TTPAL: variants seen among roughly 807,000 people sequenced by gnomAD.
TTPAL encodes alpha tocopherol transfer protein like.
In TTPAL, 21 loss-of-function variants were observed where a neutral mutation model predicts 28.7. That is an observed-to-expected ratio of 0.73 (90% CI 0.52 to 1.06). The LOEUF is 1.06. TTPAL is among the 50% of genes least tolerant of loss of function. TTPAL has a pLI of 0.00. For synonymous variants in TTPAL, 169 were observed against 171.9 expected, an observed-to-expected ratio of 0.98 and a Z score of 0.13; for missense variants, 345 against 425.5, an observed-to-expected ratio of 0.81 and a Z score of 1.67.
intron 4 of TTPAL, among the ~76,000 whole-genome samples, 181 bp from the exon 5 acceptor site, chr20:44,489,082 A>G (rs999733067): frequency 1.3e-5 from 2 of 152,188 alleles, no homozygotes; most frequent in Non-Finnish European, 2.9e-5. Context: ...GATGTATGGT[A>G]TAAGGAAAAG....
Position 44,489,336 on chromosome 20 carries a change from G to C in TTPAL, c.824G>C (p.Gly275Ala). The C allele has an allele frequency of 6.2e-7, 1 of 1,614,152 alleles. No homozygotes were observed. The highest frequency in any genetic ancestry group is 8.5e-7 in the Non-Finnish European group (1 of 1,180,028). ...LPRSILPKEY[G>A]GTAGELDTAT... Reference sequence around the variant, plus strand: ...AGAAGCATCCTCCCCAAGGAGTATGGGGGCACGGCTGGGGAGCTGGACACT... The same window carrying C: ...AGAAGCATCCTCCCCAAGGAGTATGCGGGCACGGCTGGGGAGCTGGACACT... The change falls in exon 5 of 5, where the codon GGG (glycine) becomes GCG (alanine). Residue 275 changes from glycine (G) to alanine (A), a missense_variant. Transcript: ENST00000262605.
At chr20:44,482,158 G>A (rs191683990) in intron 2 of TTPAL, among the ~76,000 whole-genome samples, 17 of 152,312 alleles carry the variant, frequency 1.1e-4, no homozygotes, top group African/African-American at 4.1e-4. Flanking sequence ...GTGATTGAAA[G>A]GGATGATATC....
In TTPAL at chr20:44,493,602, T is replaced by G. The variant is rs903275935; in HGVS notation, c.*4061T>G. 2.6e-4 allele frequency: 39 copies of G among 152,398 alleles called. No individual in the cohort carries two copies. Among genetic ancestry groups the G allele is most frequent in the Non-Finnish European group, 1.3e-4 (9 of 68,058 alleles). The allele number at this position is 152,398 out of a possible 1,614,324, so 9.4% of individuals were successfully genotyped here. ...AATGTTAGCTAAACCAATTATATACTATATACTATACACTGTATCTCCTGT... is the reference window on the plus strand; with the variant it reads ...AATGTTAGCTAAACCAATTATATACGATATACTATACACTGTATCTCCTGT... On this transcript the variant is annotated 3_prime_UTR_variant, in exon 5 of 5. Transcript: ENST00000262605.
rs771694647 is a variant in TTPAL at position 44,480,190 on chromosome 20, T to C, written c.191T>C (p.Met64Thr). 3 of 1,614,124 alleles carry C rather than the reference T, an allele frequency of 1.9e-6. No homozygotes were observed. The highest frequency in any genetic ancestry group is 2.2e-5 in the East Asian group (1 of 44,876). ...RLRDVQALRD[M>T]VRKEYPNLST... ...CGAGATGTGCAGGCCCTTCGTGACA[T>C]GGTGCGGAAGGAGTACCCCAACCTG... The change falls in exon 2 of 5, where the codon ATG becomes ACG. Residue 64 changes from methionine (M) to threonine (T), a missense_variant. Transcript: ENST00000262605. The surrounding 1 kb of genome is among the most constrained non-coding windows in gnomAD (Gnocchi z 4.1).
intron 2 of TTPAL, among the ~76,000 whole-genome samples, chr20:44,481,204 CATG>C (rs2064101839): frequency 6.6e-6 from 1 of 152,182 alleles, no homozygotes; most frequent in South Asian, 2.1e-4. Context: ...ATTTCTTTGT[CATG>C]GTGGTTTACG....
chr20:44,484,958 C>T (rs774921136), intron 3 of TTPAL, among the ~76,000 whole-genome samples: 8 of 152,066 alleles, frequency 5.3e-5, no homozygotes, highest in Non-Finnish European at 1.2e-4. Context: ...ACCAAAAATA[C>T]GAAAATTAGC....
intron 4 of TTPAL, among the ~76,000 whole-genome samples, chr20:44,487,158 T>C (rs553487572): frequency 1.3e-5 from 2 of 152,072 alleles, no homozygotes; most frequent in African/African-American, 4.8e-5. Flanking sequence ...GGCACATGCC[T>C]GTAATTGCAG....
Position 44,480,933 on chromosome 20 carries a change from C to G in TTPAL, c.445+489C>G, listed in dbSNP as rs773044871. On this transcript the variant is annotated intron_variant, in intron 2 of 4. Coordinates refer to ENST00000262605, the MANE Select transcript of TTPAL (RefSeq NM_001039199.3). This position sits in a 1 kb window ranked among gnomAD's most constrained non-coding sequence, Gnocchi z 4.1. Reference sequence around the variant, plus strand: ...ATTCCCAATTTCTAGTGGGGAGCATCTGGTGGGGCCTAAGAATCTGCCCCT... The same window carrying G: ...ATTCCCAATTTCTAGTGGGGAGCATGTGGTGGGGCCTAAGAATCTGCCCCT... 6.6e-6 allele frequency among the ~76,000 whole-genome samples: 1 copy of G among 152,178 alleles called. No individual in the cohort carries two copies. The highest frequency in any genetic ancestry group is 1.5e-5 in the Non-Finnish European group (1 of 68,032).
intron 4 of TTPAL, among the ~76,000 whole-genome samples, chr20:44,487,967 C>A (rs1437901476): frequency 1.3e-5 from 2 of 152,218 alleles, no homozygotes; most frequent in Non-Finnish European, 2.9e-5. Context: ...TAGGCTTTTA[C>A]CATGTTGGCC....
At position 44,480,417 on chromosome 20, in the gene TTPAL, G is replaced by C. The variant is rs201624804; in HGVS notation, c.418G>C (p.Gly140Arg). 1.2e-6 allele frequency: 2 copies of C among 1,608,224 alleles called. No individual in the cohort carries two copies. The highest frequency in any genetic ancestry group is 1.7e-6 in the Non-Finnish European group (2 of 1,176,064). ...CGTGCTGCCCCACACTGACCCCAGGGGCTGCCATGTCGTCTGCATCCGCCC... is the reference window on the plus strand; with the variant it reads ...CGTGCTGCCCCACACTGACCCCAGGCGCTGCCATGTCGTCTGCATCCGCCC... ...LTVLPHTDPR[G>R]CHVVCIRPDR... The change falls in exon 2 of 5, where the codon GGC (glycine) becomes CGC (arginine). Residue 140 changes from glycine (G) to arginine (R), a missense_variant. Transcript: ENST00000262605. This position sits in a 1 kb window ranked among gnomAD's most constrained non-coding sequence, Gnocchi z 4.1.
In TTPAL at chr20:44,490,560, G is replaced by A. The variant is rs2064195749; in HGVS notation, c.*1019G>A. The stretch of plus-strand genomic sequence containing the variant: ...GTACATGTGTCTTTCCAAGAGAGAT[G>A]TGTCACCAATTAGCCCTGCCTTTAA... On this transcript the variant is annotated 3_prime_UTR_variant, in exon 5 of 5. Coordinates refer to ENST00000262605, the MANE Select transcript of TTPAL (RefSeq NM_001039199.3). 1 of 152,326 alleles carries A rather than the reference G, an allele frequency of 6.6e-6. No individual in the cohort carries two copies. Among genetic ancestry groups the A allele is most frequent in the Non-Finnish European group, 1.5e-5 (1 of 68,044 alleles). 9.4% of individuals were successfully genotyped at this position (152,326 alleles called of 1,614,324 possible). A position where few individuals can be genotyped will look rare whatever the true frequency, so the allele number is the denominator to read the frequency against.
chr20:44,489,699 A>G lies in TTPAL; in HGVS notation c.*158A>G, dbSNP rs144111688. The G allele has an allele frequency of 1.9e-3, 1,466 of 769,134 alleles. 2 individuals carry two copies. The highest frequency in any genetic ancestry group is 2.7e-3 in the Non-Finnish European group (1,346 of 494,270). 47.6% of individuals were successfully genotyped at this position (769,134 alleles called of 1,614,324 possible). A position where few individuals can be genotyped will look rare whatever the true frequency, so the allele number is the denominator to read the frequency against. On this transcript the variant is annotated 3_prime_UTR_variant, in exon 5 of 5. Transcript: ENST00000262605. Reference sequence around the variant, plus strand: ...TATGAGCATGAGCCCATTTTGGGGTAAGCCTTTGGTTACTTTAATTACTCC... The same window carrying G: ...TATGAGCATGAGCCCATTTTGGGGTGAGCCTTTGGTTACTTTAATTACTCC...
At chr20:44,484,800 G>A (rs1475154083) in intron 3 of TTPAL, among the ~76,000 whole-genome samples, 1 of 152,162 alleles carries the variant, frequency 6.6e-6, no homozygotes, top group Admixed American at 6.6e-5. Context: ...GGTCTGGAAG[G>A]CAGAGGAAGA....
In TTPAL at chr20:44,492,193, G is replaced by C. The variant is rs1051103426; in HGVS notation, c.*2652G>C. 1 of 152,344 alleles carries C rather than the reference G, an allele frequency of 6.6e-6. No homozygotes were observed. 9.4% of individuals were successfully genotyped at this position (152,344 alleles called of 1,614,324 possible). A position where few individuals can be genotyped will look rare whatever the true frequency, so the allele number is the denominator to read the frequency against. Reference sequence around the variant, plus strand: ...GGTGGTCTCCTTGTGGCTTCACCAGGATGTTTGTGTCAGGCTGTCTCAGCA... The same window carrying C: ...GGTGGTCTCCTTGTGGCTTCACCAGCATGTTTGTGTCAGGCTGTCTCAGCA... On this transcript the variant is annotated 3_prime_UTR_variant, in exon 5 of 5. Coordinates refer to ENST00000262605, the MANE Select transcript of TTPAL (RefSeq NM_001039199.3).
rs899133978 is a variant in TTPAL, at chr20:44,494,203, T to G, written c.*4662T>G. Reference sequence around the variant, plus strand: ...AATTCCTGTTTCATGGGGCTGTTTTTCTTTTCATCTCACTGGGCAGCAGGT... The same window carrying G: ...AATTCCTGTTTCATGGGGCTGTTTTGCTTTTCATCTCACTGGGCAGCAGGT... On this transcript the variant is annotated 3_prime_UTR_variant, in exon 5 of 5. Coordinates refer to ENST00000262605, the MANE Select transcript of TTPAL (RefSeq NM_001039199.3). 7 of 151,768 alleles carry G rather than the reference T, an allele frequency of 4.6e-5. No individual in the cohort carries two copies. Among genetic ancestry groups the G allele is most frequent in the African/African-American group, 1.7e-4 (7 of 41,200 alleles). 9.4% of individuals were successfully genotyped at this position (151,768 alleles called of 1,614,324 possible). A position where few individuals can be genotyped will look rare whatever the true frequency, so the allele number is the denominator to read the frequency against.
chr20:44,489,483 A>T lies in TTPAL; in HGVS notation c.971A>T (p.Asp324Val). The T allele has an allele frequency of 6.2e-7, 1 of 1,614,230 alleles. No individual in the cohort carries two copies. Among genetic ancestry groups the T allele is most frequent in the Non-Finnish European group, 8.5e-7 (1 of 1,180,044 alleles). ...CTGCTGCCCGAGGGCCTGACCTCAG[A>T]TGCACAGTGTGACGACTCCTTGCGA... is the stretch of plus-strand genomic sequence containing the variant. Reference protein sequence around the residue: ...QTLLPEGLTSDAQCDDSLRAV... With the variant: ...QTLLPEGLTSVAQCDDSLRAV... Residue 324 changes from aspartate (D) to valine (V), a missense_variant, in exon 5 of 5, where the codon GAT (aspartate) becomes GTT (valine). Coordinates refer to ENST00000262605, the MANE Select transcript of TTPAL (RefSeq NM_001039199.3).
intron 1 of TTPAL, among the ~76,000 whole-genome samples, chr20:44,478,421 G>A (rs1473031125): frequency 6.6e-6 from 1 of 152,254 alleles, no homozygotes; most frequent in Non-Finnish European, 1.5e-5. Context: ...TGAGGCCACA[G>A]AAGGGCTGTG....
In TTPAL at chr20:44,488,647, G is replaced by A. The variant is rs1485821918; in HGVS notation, c.751-616G>A. ...TTAGAGATGGCAGCCTTGAGAAGCT[G>A]ACATTTGAGCAAAGACAAGAAGTGA... On this transcript the variant is annotated intron_variant, in intron 4 of 4. Coordinates refer to ENST00000262605, the MANE Select transcript of TTPAL (RefSeq NM_001039199.3). Among the ~76,000 whole-genome samples the A allele has an allele frequency of 5.3e-5, 8 of 152,178 alleles. 1 individual carries two copies. The South Asian group carries it at 1.4e-3, about 28-fold the overall frequency.
At chr20:44,483,304 T>C (rs1215598036) in intron 2 of TTPAL, among the ~76,000 whole-genome samples, 2 of 152,200 alleles carry the variant, frequency 1.3e-5, no homozygotes, top group Non-Finnish European at 2.9e-5. Context: ...CCACCACTGC[T>C]GTCCTCAACA....
Sources: gnomAD v4.1 joint callset for allele counts (sites outside exome capture counted in the v4.1 genomes callset) on GRCh38, gnomAD v4.1.1 for gene constraint, Gnocchi (gnomAD v3.1) non-coding constraint, MANE v1.5 for transcripts, NCBI Gene and HGNC (gene_info 2026-07-23, HGNC 2026-07-21) for gene names.